TXNDC12: variants seen among roughly 807,000 people sequenced by gnomAD.
TXNDC12 encodes thioredoxin domain containing 12, also known as thioredoxin domain-containing protein 12.
In TXNDC12, 22 loss-of-function variants were observed where a neutral mutation model predicts 24.2. The observed-to-expected ratio is 0.91, with a 90% CI of 0.65 to 1.30. TXNDC12 has a LOEUF of 1.30. Among genes scored for constraint, TXNDC12 ranks in the 50% most tolerant of loss-of-function variants. TXNDC12 has a pLI of 0.00. For synonymous variants in TXNDC12, 58 were observed against 73.4 expected (o/e 0.79, Z 1.07); for missense variants, 184 against 205.8 (o/e 0.89, Z 0.65).
chr1:52,035,355 T>C (rs1177337587), intron 2 of TXNDC12, among the ~76,000 whole-genome samples: 3 of 152,188 alleles, frequency 2.0e-5, no homozygotes, highest in African/African-American at 7.2e-5. Flanking sequence ...TCCCCTTCTA[T>C]AAAATAACAA....
chr1:52,024,693 A>AT, intron 4 of TXNDC12, 114 bp from the exon 5 acceptor site: 1 of 742,568 alleles, frequency 1.3e-6, no homozygotes, highest in Non-Finnish European at 2.4e-6. Context: ...AGTGGCCTAT[A>AT]AGGCCCTACA....
intron 3 of TXNDC12, among the ~76,000 whole-genome samples, chr1:52,027,858 A>G (rs1048473741): frequency 1.2e-4 from 18 of 151,658 alleles, no homozygotes; most frequent in Admixed American, 1.1e-3. Context: ...TTTGAGACAG[A>G]GTCTCACTCT....
At chr1:52,039,421 A>G (rs1685946003) in intron 2 of TXNDC12, among the ~76,000 whole-genome samples, 1 of 151,714 alleles carries the variant, frequency 6.6e-6, no homozygotes, top group African/African-American at 2.4e-5. Flanking sequence ...TCCGTCTCCC[A>G]GGTTCAAGCG....
At chr1:52,024,205 T>C (rs1685641378) in intron 5 of TXNDC12, among the ~76,000 whole-genome samples, 1 of 152,152 alleles carries the variant, frequency 6.6e-6, no homozygotes, top group Non-Finnish European at 1.5e-5. Flanking sequence ...GTGTTGCCCA[T>C]GCTGGTCTCA....
At chr1:52,043,737 G>C (rs138858971) in intron 1 of TXNDC12, among the ~76,000 whole-genome samples, 1,706 of 152,316 alleles carry the variant, frequency 0.011, 48 homozygotes, top group African/African-American at 0.039. Flanking sequence ...TACATCACCT[G>C]TACTGGTCAC....
rs2124353948 is a variant in TXNDC12 at position 52,020,579 on chromosome 1, G to A, written c.*354C>T. ...GCTACTAGTCTCCTTTCACCACTAA[G>A]GTGAGTAAAGTGGGAGGAAATGGGA... On this transcript the variant is annotated 3_prime_UTR_variant, in exon 7 of 7. Coordinates refer to ENST00000371626, the MANE Select transcript of TXNDC12 (RefSeq NM_015913.4). 3 of 303,060 alleles carry A rather than the reference G, an allele frequency of 9.9e-6. No homozygotes were observed. The East Asian group carries it at 2.0e-4, about 20-fold the overall frequency. The allele number at this position is 303,060 out of a possible 1,614,324, so 18.8% of individuals were successfully genotyped here.
chr1:52,032,926 C>A, intron 2 of TXNDC12: 1 of 1,607,548 alleles, frequency 6.2e-7, no homozygotes, highest in Non-Finnish European at 8.5e-7. Flanking sequence ...CAGTACTTGA[C>A]TCGTGACCTG....
chr1:52,029,251 A>G (rs1685718487), intron 2 of TXNDC12, among the ~76,000 whole-genome samples: 1 of 152,252 alleles, frequency 6.6e-6, no homozygotes, highest in Non-Finnish European at 1.5e-5. Context: ...GGTTTTAATT[A>G]TAAAATATGT....
At chr1:52,046,141 G>A (rs1686085302) in intron 1 of TXNDC12, among the ~76,000 whole-genome samples, 1 of 151,668 alleles carries the variant, frequency 6.6e-6, no homozygotes, top group Non-Finnish European at 1.5e-5. Flanking sequence ...TGAGCCTGTA[G>A]TGAGCTGTGA....
intron 2 of TXNDC12, among the ~76,000 whole-genome samples, chr1:52,035,305 T>G (rs1211284546): frequency 6.6e-6 from 1 of 152,244 alleles, no homozygotes; most frequent in Non-Finnish European, 1.5e-5. Context: ...ACTAGTGTTG[T>G]AACTACTGGC....
chr1:52,042,564 G>A (rs1343111456), intron 1 of TXNDC12, among the ~76,000 whole-genome samples: 2 of 151,426 alleles, frequency 1.3e-5, no homozygotes, highest in African/African-American at 2.4e-5. Flanking sequence ...AGGTTCAAGC[G>A]ATTCTTTTGC....
chr1:52,034,654 G>C (rs1006538577), intron 2 of TXNDC12, among the ~76,000 whole-genome samples: 1 of 151,966 alleles, frequency 6.6e-6, no homozygotes, highest in African/African-American at 2.4e-5. Context: ...ATGTTGCTAA[G>C]GCTGGTCTCA....
intron 1 of TXNDC12, among the ~76,000 whole-genome samples, chr1:52,043,075 T>G (rs2124384928): frequency 6.6e-6 from 1 of 152,354 alleles, no homozygotes; most frequent in East Asian, 1.9e-4. Flanking sequence ...TTCACTTCTT[T>G]AAATGAGAGT....
chr1:52,046,014 A>G (rs1464085656), intron 1 of TXNDC12, among the ~76,000 whole-genome samples: 2 of 152,024 alleles, frequency 1.3e-5, no homozygotes, highest in Non-Finnish European at 2.9e-5. Context: ...GGAGTTTGAG[A>G]CTAGCCTGGG....
intron 3 of TXNDC12, 44 bp from the exon 4 acceptor site, chr1:52,027,392 T>A: frequency 7.3e-7 from 1 of 1,364,510 alleles, no homozygotes; most frequent in Non-Finnish European, 1.0e-6. Flanking sequence ...AACATCATTG[T>A]CACAACTAAA....
chr1:52,054,987 A>T lies in TXNDC12; in HGVS notation c.97+13T>A, dbSNP rs1195965031. ...TAAAGATCAGTAAAGAGAAGATAAG[A>T]ACGCGGTCTGACCCTTTCCAAGCCC... On this transcript the variant is annotated intron_variant, in intron 1 of 6. Coordinates refer to ENST00000371626, the MANE Select transcript of TXNDC12 (RefSeq NM_015913.4). The T allele has an allele frequency of 6.3e-7, 1 of 1,596,172 alleles. No individual in the cohort carries two copies. Among genetic ancestry groups the T allele is most frequent in the Admixed American group, 1.7e-5 (1 of 60,008 alleles).
chr1:52,052,600 T>C (rs1250461121), intron 1 of TXNDC12: 1 of 163,650 alleles, frequency 6.1e-6, no homozygotes, highest in Non-Finnish European at 1.5e-5. Context: ...CCAGTCATCA[T>C]AGAACAGGGA....
intron 2 of TXNDC12, chr1:52,032,048 TACCTAAAA>T: frequency 1.3e-6 from 1 of 759,318 alleles, no homozygotes; most frequent in South Asian, 6.0e-5. Context: ...ATGACAAGTA[TACCTAAAA>T]TGTTACATGA....
intron 1 of TXNDC12, among the ~76,000 whole-genome samples, chr1:52,053,982 C>G (rs1031440655): frequency 1.1e-4 from 17 of 152,196 alleles, no homozygotes; most frequent in Non-Finnish European, 2.1e-4. Context: ...ATAAGCTCCA[C>G]CAGAGTAGGA....
Sources: gnomAD v4.1 joint callset for allele counts (sites outside exome capture counted in the v4.1 genomes callset) on GRCh38, gnomAD v4.1.1 for gene constraint, MANE v1.5 for transcripts, NCBI Gene and HGNC (gene_info 2026-07-23, HGNC 2026-07-21) for gene names.